The following TDRD12 variants were observed in gnomAD, a reference collection of about 807,000 sequenced individuals.
The protein encoded by TDRD12 is putative ATP-dependent RNA helicase TDRD12.
A neutral mutation model predicts 133.5 loss-of-function variants in TDRD12; 158 were observed. The ratio of observed to expected loss-of-function variants is 1.18; its 90% CI spans 1.04 to 1.35. TDRD12 has a LOEUF of 1.35. Among genes scored for constraint, TDRD12 ranks in the 40% most tolerant of loss-of-function variants. The pLI is 0.00. For synonymous variants in TDRD12, 460 were observed against 477.9 expected (o/e 0.96, Z 0.49); for missense variants, 1,443 against 1,321.3 (o/e 1.09, Z -1.43).
chr19:32,765,065 G>A (rs1317126433), intron 8 of TDRD12, among the ~76,000 whole-genome samples: 3 of 152,150 alleles, frequency 2.0e-5, no homozygotes, highest in Non-Finnish European at 2.9e-5. Flanking sequence ...AACCCCATCA[G>A]CAAGTGGGCA....
chr19:32,729,375 G>A (rs570257308), intron 1 of TDRD12, among the ~76,000 whole-genome samples: 49 of 151,136 alleles, frequency 3.2e-4, no homozygotes, highest in Non-Finnish European at 5.3e-4. Flanking sequence ...CTGCCACCAC[G>A]CCCAGCTAAT....
chr19:32,772,817 A>T, exon 9 of TDRD12: 1 of 1,511,874 alleles, frequency 6.6e-7, no homozygotes, highest in South Asian at 1.3e-5. Flanking sequence ...CTGAAAAGAA[A>T]CACCATTGCA....
At chr19:32,755,866 C>G in intron 6 of TDRD12, 126 bp from the exon 7 acceptor site, 2 of 697,200 alleles carry the variant, frequency 2.9e-6, no homozygotes, top group Non-Finnish European at 4.3e-6. Flanking sequence ...ATCTGTTTCT[C>G]TCAGATTATG....
intron 1 of TDRD12, 99 bp downstream of exon 1, chr19:32,720,195 C>T: frequency 7.2e-7 from 1 of 1,379,876 alleles, no homozygotes. Context: ...CTCCGCACAG[C>T]TTCCTACACC....
chr19:32,747,609 T>G (rs765533581), intron 4 of TDRD12, among the ~76,000 whole-genome samples: 2 of 152,132 alleles, frequency 1.3e-5, no homozygotes, highest in African/African-American at 2.4e-5. Flanking sequence ...TTTCCTACAA[T>G]TTTCTTTGCA....
chr19:32,823,863 A>C (rs559462219), downstream of TDRD12, among the ~76,000 whole-genome samples: 9 of 152,336 alleles, frequency 5.9e-5, no homozygotes, highest in Non-Finnish European at 1.2e-4. Context: ...GAGGGTCTGC[A>C]CTGTCGCAGG....
chr19:32,809,418 T>G (rs1966921257), intron 22 of TDRD12, among the ~76,000 whole-genome samples: 1 of 152,204 alleles, frequency 6.6e-6, no homozygotes, highest in Non-Finnish European at 1.5e-5. Context: ...GCACAGACAC[T>G]GGTGCCTGTG....
chr19:32,733,933 C>T (rs1969141693), intron 2 of TDRD12, among the ~76,000 whole-genome samples: 1 of 148,940 alleles, frequency 6.7e-6, no homozygotes, highest in South Asian at 2.1e-4. Flanking sequence ...GTTCTGTTGC[C>T]CAGGCTAGAG....
exon 10 of TDRD12, chr19:32,827,400 G>C (rs1360142934): frequency 4.2e-6 from 1 of 236,782 alleles, no homozygotes; most frequent in Non-Finnish European, 5.8e-6. Flanking sequence ...TTTTTTTTGA[G>C]ACAGAGTCTT....
downstream of TDRD12, chr19:32,821,411 C>T (rs6510296): frequency 0.021 from 1,759 of 84,632 alleles, 77 homozygotes; most frequent in East Asian, 0.13. Flanking sequence ...TGTGTGTGTG[C>T]GTGTGAACCA....
exon 10 of TDRD12, chr19:32,829,320 C>A (rs2145784003): frequency 6.6e-6 from 1 of 152,354 alleles, no homozygotes; most frequent in Admixed American, 6.5e-5. Flanking sequence ...ATGCTTAGAT[C>A]TGTTTCTTTT....
chr19:32,742,734 A>T (rs898193053), intron 3 of TDRD12, 47 bp from the exon 4 acceptor site: 1 of 1,521,450 alleles, frequency 6.6e-7, no homozygotes, highest in South Asian at 1.2e-5. Flanking sequence ...GGAGTATGTT[A>T]TATATAATTT....
At chr19:32,763,578 C>T (rs1970210681) in intron 8 of TDRD12, among the ~76,000 whole-genome samples, 1 of 152,214 alleles carries the variant, frequency 6.6e-6, no homozygotes, top group African/African-American at 2.4e-5. Context: ...TGGGAAGGAA[C>T]AGCACGCCCT....
intron 4 of TDRD12, among the ~76,000 whole-genome samples, chr19:32,747,066 G>A (rs537021890): frequency 6.6e-6 from 1 of 151,758 alleles, no homozygotes; most frequent in African/African-American, 2.4e-5. Flanking sequence ...TATTCTGTGT[G>A]TGTGAGAGAG....
chr19:32,756,322 T>C lies in TDRD12; in HGVS notation c.772+141T>C, dbSNP rs569271197. 4 of 718,264 alleles carry C rather than the reference T, an allele frequency of 5.6e-6. No homozygotes were observed. In the South Asian group the frequency reaches 1.7e-4, roughly 30 times the overall value. 44.5% of individuals were successfully genotyped at this position (718,264 alleles called of 1,614,324 possible). On this transcript the variant is annotated intron_variant, in intron 7 of 27. Transcript: ENST00000444215. ...TTAAAGTTTAATCCTGATGAGGCTGTGACACATTGTAAGGTCTTAAAGTGT... is the reference window on the plus strand; with the variant it reads ...TTAAAGTTTAATCCTGATGAGGCTGCGACACATTGTAAGGTCTTAAAGTGT...
At chr19:32,819,208 T>G (rs1442294773) in intron 27 of TDRD12, among the ~76,000 whole-genome samples, 2 of 151,862 alleles carry the variant, frequency 1.3e-5, no homozygotes, top group Non-Finnish European at 2.9e-5. Context: ...TTCTAGCTAC[T>G]TGGGACACTG....
At chr19:32,746,336 C>G (rs1969626363) in intron 4 of TDRD12, among the ~76,000 whole-genome samples, 2 of 88,406 alleles carry the variant, frequency 2.3e-5, no homozygotes, top group African/African-American at 4.6e-5. Flanking sequence ...TGTGGTTATT[C>G]TGTGTGTGAC....
intron 4 of TDRD12, among the ~76,000 whole-genome samples, chr19:32,746,323 T>A (rs1283176568): frequency 8.5e-6 from 1 of 117,958 alleles, no homozygotes; most frequent in Non-Finnish European, 1.7e-5. Flanking sequence ...AGAGACTGGC[T>A]GATGTGGTTA....
At chr19:32,725,004 TA>T (rs1467238600) in intron 1 of TDRD12, among the ~76,000 whole-genome samples, 1 of 152,242 alleles carries the variant, frequency 6.6e-6, no homozygotes, top group East Asian at 1.9e-4. Flanking sequence ...GTTGGCTGCA[TA>T]AATGTCTTCT....
Sources: allele counts gnomAD v4.1 joint callset (sites outside exome capture counted in the v4.1 genomes callset), GRCh38; gene constraint gnomAD v4.1.1; transcripts MANE v1.5; gene names NCBI Gene and HGNC (gene_info 2026-07-23, HGNC 2026-07-21).